RICTOR: variants seen among roughly 807,000 people sequenced by gnomAD.
RICTOR encodes the protein RPTOR independent companion of MTOR complex 2.
In RICTOR, 49 loss-of-function variants were observed where a neutral mutation model predicts 214.9. The ratio of observed to expected loss-of-function variants is 0.23; its 90% CI spans 0.18 to 0.29. RICTOR has a LOEUF of 0.29. RICTOR is among the 10% of genes least tolerant of loss of function. The pLI, the probability that RICTOR is intolerant of heterozygous loss-of-function variation, is 1.00. For missense variants in RICTOR, 1,625 were observed against 2,047.0 expected (o/e 0.79, Z 3.98); for synonymous variants, 717 against 711.3 (o/e 1.01, Z -0.13).
In RICTOR at chr5:39,011,338, G is replaced by A. The variant is rs532504437; in HGVS notation, c.196-7716C>T. On this transcript the variant is annotated intron_variant, in intron 3 of 37. Transcript: ENST00000357387. ...AGACGGTGTATGAAAATGCTTGCAT[G>A]TCCAGGCAGAAGTTTGCTGCAGGGG... Among the ~76,000 whole-genome samples, 13 of 152,324 alleles carry A rather than the reference G, an allele frequency of 8.5e-5. 1 individual carries two copies. The highest frequency in any genetic ancestry group is 3.4e-3 in the Middle Eastern group (1 of 294).
At chr5:39,067,147 G>T (rs981206818) in intron 2 of RICTOR, among the ~76,000 whole-genome samples, 8 of 152,144 alleles carry the variant, frequency 5.3e-5, no homozygotes, top group African/African-American at 1.9e-4. Flanking sequence ...ATTTAAAAGA[G>T]GTTTAATTGG....
intron 2 of RICTOR, chr5:39,022,530 T>C (rs1354296611): frequency 6.5e-6 from 1 of 153,520 alleles, no homozygotes; most frequent in African/African-American, 2.4e-5. Flanking sequence ...GAGTTGGAAA[T>C]TGCTGCTGTT....
At chr5:39,069,085 T>C (rs1400357210) in intron 2 of RICTOR, among the ~76,000 whole-genome samples, 1 of 152,186 alleles carries the variant, frequency 6.6e-6, no homozygotes, top group Admixed American at 6.5e-5. Flanking sequence ...ACTAGTATTA[T>C]AGTAATAGTA....
At chr5:38,957,804 A>G (rs921174183) in intron 24 of RICTOR, 74 bp from the exon 25 acceptor site, 1 of 812,338 alleles carries the variant, frequency 1.2e-6, no homozygotes, top group Non-Finnish European at 2.0e-6. Flanking sequence ...AAATAACTAA[A>G]ATTTAAAAAA....
At position 38,984,491 on chromosome 5, in the gene RICTOR, CT is replaced by C. The variant is rs149264112; in HGVS notation, c.584-2456del. Reference sequence around the variant, plus strand: ...AATGAGCTTTCTAATGAAAAATTATCTTTGAGTATAGCTTTCTAGGCATCCA... The same window carrying C: ...AATGAGCTTTCTAATGAAAAATTATCTTGAGTATAGCTTTCTAGGCATCCA... On this transcript the variant is annotated intron_variant, in intron 7 of 37. Transcript: ENST00000357387. Among the ~76,000 whole-genome samples, 326 of 152,150 alleles carry C rather than the reference CT, an allele frequency of 2.1e-3. 1 individual carries two copies. Among genetic ancestry groups the C allele is most frequent in the African/African-American group, 7.6e-3 (317 of 41,528 alleles).
chr5:39,036,810 C>T (rs1032200920), intron 2 of RICTOR, among the ~76,000 whole-genome samples: 6 of 152,168 alleles, frequency 3.9e-5, no homozygotes, highest in African/African-American at 1.4e-4. Context: ...CACCCAGATT[C>T]ATAAAGCAAG....
chr5:38,970,312 T>C (rs1750676506), intron 11 of RICTOR: 1 of 152,208 alleles, frequency 6.6e-6, no homozygotes, highest in Admixed American at 6.5e-5. Flanking sequence ...TACTACTACA[T>C]ACATCACTTA....
intron 3 of RICTOR, among the ~76,000 whole-genome samples, chr5:39,004,264 T>C (rs1209772788): frequency 6.6e-6 from 1 of 152,164 alleles, no homozygotes; most frequent in Non-Finnish European, 1.5e-5. Flanking sequence ...GTAATGATTT[T>C]CTTGGTTTTT....
At chr5:39,020,436 G>C (rs1488914824) in intron 3 of RICTOR, among the ~76,000 whole-genome samples, 1 of 152,140 alleles carries the variant, frequency 6.6e-6, no homozygotes, top group African/African-American at 2.4e-5. Context: ...AGCAGCCACT[G>C]ACATTGAGGC....
chr5:39,028,429 G>A (rs1333818131), intron 2 of RICTOR, among the ~76,000 whole-genome samples: 4 of 152,050 alleles, frequency 2.6e-5, no homozygotes, highest in East Asian at 1.9e-4. Flanking sequence ...TGATCCGCCC[G>A]CCTCGGCCTC....
chr5:39,039,059 G>A (rs939527426), intron 2 of RICTOR, among the ~76,000 whole-genome samples: 4 of 152,068 alleles, frequency 2.6e-5, no homozygotes, highest in African/African-American at 9.7e-5. Context: ...CTACCTGACT[G>A]CAAACTATAC....
At chr5:38,963,124 C>G in intron 16 of RICTOR, 83 bp from the exon 17 acceptor site, 2 of 936,630 alleles carry the variant, frequency 2.1e-6, no homozygotes, top group Non-Finnish European at 3.1e-6. Flanking sequence ...TTAAAGCTTA[C>G]GTAAGATCAA....
At chr5:39,002,692 G>C (rs1337404547) in intron 4 of RICTOR, 26 bp from the exon 5 acceptor site, 2 of 1,580,092 alleles carry the variant, frequency 1.3e-6, no homozygotes, top group African/African-American at 2.8e-5. Flanking sequence ...CAAAATACAA[G>C]TTTTGCTGCA....
In RICTOR at chr5:38,941,703, T is replaced by A. The variant is rs1747590779; in HGVS notation, c.*601A>T. The A allele has an allele frequency of 8.6e-6, 2 of 232,190 alleles. No homozygotes were observed. Among genetic ancestry groups the A allele is most frequent in the African/African-American group, 4.4e-5 (2 of 45,284 alleles). The allele number at this position is 232,190 out of a possible 1,614,324, so 14.4% of individuals were successfully genotyped here. ...AGTCTAGTAACATAAAAATAACTTA[T>A]AAGTCCCGGGTTGTTGAGGCTCTTC... is the stretch of plus-strand genomic sequence containing the variant. On this transcript the variant is annotated 3_prime_UTR_variant, in exon 38 of 38. Transcript: ENST00000357387.
At position 38,940,129 on chromosome 5, in the gene RICTOR, G is replaced by C; in HGVS notation, c.*2175C>G. ...TACATACATATTTTTCAAAGTAACA[G>C]TAAAAAAAAAAAACAAAAAAAAAAA... On this transcript the variant is annotated 3_prime_UTR_variant, in exon 38 of 38. Coordinates refer to ENST00000357387, the MANE Select transcript of RICTOR (RefSeq NM_152756.5). The C allele has an allele frequency of 7.4e-6, 1 of 134,552 alleles. No homozygotes were observed. The highest frequency in any genetic ancestry group is 1.3e-5 in the Non-Finnish European group (1 of 74,356). The allele number at this position is 134,552 out of a possible 1,614,324, so 8.3% of individuals were successfully genotyped here. A position where few individuals can be genotyped will look rare whatever the true frequency, so the allele number is the denominator to read the frequency against.
At chr5:39,014,761 G>C (rs1754813170) in intron 3 of RICTOR, among the ~76,000 whole-genome samples, 1 of 152,152 alleles carries the variant, frequency 6.6e-6, no homozygotes, top group Non-Finnish European at 1.5e-5. Context: ...GCATGGGTGT[G>C]TGACATTCAC....
At chr5:38,971,363 T>C (rs1579955878) in intron 11 of RICTOR, 1 of 149,500 alleles carries the variant, frequency 6.7e-6, no homozygotes, top group Non-Finnish European at 1.5e-5. Context: ...CCATTATTCC[T>C]AACAACAGCA....
intron 2 of RICTOR, among the ~76,000 whole-genome samples, chr5:39,041,349 A>C (rs1306255616): frequency 6.6e-6 from 1 of 152,214 alleles, no homozygotes; most frequent in East Asian, 1.9e-4. Context: ...AAATGGAGCT[A>C]GATTCCAACA....
chr5:38,963,548 C>A (rs993932272), intron 16 of RICTOR, among the ~76,000 whole-genome samples: 3 of 151,814 alleles, frequency 2.0e-5, no homozygotes, highest in East Asian at 1.9e-4. Context: ...ATATTTAATT[C>A]TTTGTGGTAA....
Sources: gnomAD v4.1 joint callset for allele counts (sites outside exome capture counted in the v4.1 genomes callset) on GRCh38, gnomAD v4.1.1 for gene constraint, MANE v1.5 for transcripts, NCBI Gene and HGNC (gene_info 2026-07-23, HGNC 2026-07-21) for gene names.